Variants in BORCS5 observed in about 807,000 individuals in gnomAD.
The protein encoded by BORCS5 is BLOC-1 related complex subunit 5.
BORCS5 carries 17 observed loss-of-function variants against 22.1 expected under a neutral mutation model. The observed-to-expected ratio is 0.77, with a 90% CI of 0.53 to 1.15. The LOEUF is 1.15. Ranked by LOEUF, BORCS5 falls within the 50% of genes most tolerant of loss-of-function variation. The pLI is 0.00. For missense variants in BORCS5, 247 were observed against 253.2 expected, an observed-to-expected ratio of 0.98 and a Z score of 0.17; for synonymous variants, 117 against 99.8, an observed-to-expected ratio of 1.17 and a Z score of -1.03.
At chr12:12,412,910 T>C (rs1368921862) in intron 2 of BORCS5, among the ~76,000 whole-genome samples, 4,613 of 139,628 alleles carry the variant, frequency 0.033, 313 homozygotes, top group African/African-American at 0.12. Flanking sequence ...CTTTTTTTTT[T>C]TTTTTTTTTT....
intron 2 of BORCS5, among the ~76,000 whole-genome samples, chr12:12,370,730 C>T (rs1863507178): frequency 6.6e-6 from 1 of 152,010 alleles, no homozygotes; most frequent in Admixed American, 6.6e-5. Flanking sequence ...CCAGTGACAG[C>T]ATCTTCAATC....
intron 2 of BORCS5, among the ~76,000 whole-genome samples, chr12:12,371,860 A>C (rs1389112415): frequency 1.3e-5 from 2 of 151,578 alleles, no homozygotes; most frequent in African/African-American, 4.9e-5. Context: ...CTGTGTTTCC[A>C]TGTTCAGTGG....
intron 2 of BORCS5, among the ~76,000 whole-genome samples, chr12:12,403,664 A>C (rs1212324104): frequency 6.6e-6 from 1 of 152,210 alleles, no homozygotes; most frequent in Non-Finnish European, 1.5e-5. Flanking sequence ...TATCTTCAAC[A>C]AAGGCTGTGA....
Position 12,390,135 on chromosome 12 carries a change from AATCT to A in BORCS5, c.202+28790_202+28793del, listed in dbSNP as rs1422384393. Among the ~76,000 whole-genome samples, 61 of 152,222 alleles carry A rather than the reference AATCT, an allele frequency of 4.0e-4. 1 individual carries two copies. The highest frequency in any genetic ancestry group is 3.4e-3 in the Middle Eastern group (1 of 294). ...TAATGATTCCTTTTTAGATTCCTTTAATCTATCATTCCTTCAAGATTTTGCTTGT... is the reference window on the plus strand; with the variant it reads ...TAATGATTCCTTTTTAGATTCCTTTAATCATTCCTTCAAGATTTTGCTTGT... On this transcript the variant is annotated intron_variant, in intron 2 of 3. Coordinates refer to ENST00000314565, the MANE Select transcript of BORCS5 (RefSeq NM_058169.6).
At chr12:12,442,348 G>A (rs759100914) in intron 3 of BORCS5, among the ~76,000 whole-genome samples, 23 of 152,134 alleles carry the variant, frequency 1.5e-4, no homozygotes, top group African/African-American at 4.1e-4. Context: ...AGATTAGAAC[G>A]CCTTTGTAAC....
chr12:12,368,279 T>G (rs943872310), intron 2 of BORCS5, among the ~76,000 whole-genome samples: 5 of 151,396 alleles, frequency 3.3e-5, no homozygotes, highest in African/African-American at 1.2e-4. Context: ...GTATTCTGTT[T>G]TGTTTTTTTT....
Position 12,435,719 on chromosome 12 carries a change from T to C in BORCS5, c.294T>C (p.Asp98=). The C allele has an allele frequency of 1.2e-6, 2 of 1,614,114 alleles. No individual in the cohort carries two copies. The highest frequency in any genetic ancestry group is 1.7e-6 in the Non-Finnish European group (2 of 1,179,974). Residue 98 remains aspartate (D), a synonymous_variant, in exon 3 of 4, where the codon GAT becomes GAC. Coordinates refer to ENST00000314565, the MANE Select transcript of BORCS5 (RefSeq NM_058169.6). ...TGCAGCTCTGCCTCCGATATCAAGA[T>C]CACCTGCATCAGTGTGCAGAGGCCG... ...QVLQLCLRYQ[D]HLHQCAEAVA...
At chr12:12,453,361 C>G (rs1271492192) in intron 3 of BORCS5, among the ~76,000 whole-genome samples, 1 of 152,184 alleles carries the variant, frequency 6.6e-6, no homozygotes. Flanking sequence ...ATGTAAAGAT[C>G]CAGGATCTTA....
chr12:12,423,413 G>T (rs1942192462), intron 2 of BORCS5, among the ~76,000 whole-genome samples: 1 of 134,952 alleles, frequency 7.4e-6, no homozygotes, highest in African/African-American at 2.8e-5. Context: ...TGCAGGGCAG[G>T]TCTAGTATTA....
intron 3 of BORCS5, among the ~76,000 whole-genome samples, chr12:12,461,114 G>A (rs1261948902): frequency 6.6e-6 from 1 of 151,686 alleles, no homozygotes; most frequent in African/African-American, 2.4e-5. Context: ...TGAAGTATGA[G>A]CTTGAGTAAA....
At chr12:12,432,324 T>G (rs1942450540) in intron 2 of BORCS5, among the ~76,000 whole-genome samples, 1 of 152,210 alleles carries the variant, frequency 6.6e-6, no homozygotes, top group Admixed American at 6.5e-5. Context: ...GCAAAATGCT[T>G]TTGGTATCTT....
chr12:12,420,104 A>C (rs1366568767), intron 2 of BORCS5, among the ~76,000 whole-genome samples: 7 of 150,104 alleles, frequency 4.7e-5, no homozygotes, highest in Non-Finnish European at 7.4e-5. Flanking sequence ...GGTGTTTTAG[A>C]CATGAAGTCC....
intron 2 of BORCS5, among the ~76,000 whole-genome samples, chr12:12,381,010 GA>G (rs1458237127): frequency 7.3e-6 from 1 of 136,488 alleles, no homozygotes; most frequent in Non-Finnish European, 1.5e-5. Flanking sequence ...TTTTTTGGGG[GA>G]TTTTTTTTTT....
chr12:12,420,955 A>G (rs1942104177), intron 2 of BORCS5, among the ~76,000 whole-genome samples: 1 of 152,218 alleles, frequency 6.6e-6, no homozygotes, highest in South Asian at 2.1e-4. Context: ...TGGGGCTGAG[A>G]TGATGGAGTT....
At chr12:12,427,630 C>G (rs947414708) in intron 2 of BORCS5, among the ~76,000 whole-genome samples, 11 of 152,126 alleles carry the variant, frequency 7.2e-5, no homozygotes, top group Admixed American at 2.0e-4. Flanking sequence ...GTATCATAGT[C>G]AATTTGGGCT....
intron 2 of BORCS5, among the ~76,000 whole-genome samples, chr12:12,394,083 T>C (rs1047728587): frequency 7.2e-5 from 11 of 151,908 alleles, no homozygotes; most frequent in African/African-American, 2.2e-4. Context: ...TCCAGCACTT[T>C]GGGAGGCTGA....
At chr12:12,447,990 C>T (rs527900344) in intron 3 of BORCS5, among the ~76,000 whole-genome samples, 5 of 152,238 alleles carry the variant, frequency 3.3e-5, no homozygotes, top group South Asian at 4.1e-4. Flanking sequence ...TTGCAGCTGT[C>T]GTTTTTACAT....
Position 12,360,479 on chromosome 12 carries a change from C to T in BORCS5, c.59-727C>T, listed in dbSNP as rs182317100. Among the ~76,000 whole-genome samples, 138 of 152,078 alleles carry T rather than the reference C, an allele frequency of 9.1e-4. 2 individuals are homozygous for T. The East Asian group carries it at 0.025, about 27-fold the overall frequency. On this transcript the variant is annotated intron_variant, in intron 1 of 3. Transcript: ENST00000314565. ...TGATCATGGCTCACTGTGGTCTTGA[C>T]CTCCTGGGCTCAAGTGATCCTCCCA...
At chr12:12,426,647 G>A (rs1317889672) in intron 2 of BORCS5, among the ~76,000 whole-genome samples, 1 of 152,224 alleles carries the variant, frequency 6.6e-6, no homozygotes, top group Non-Finnish European at 1.5e-5. Context: ...CTTAAGAAAT[G>A]CAAGAATAAA....
Sources: gnomAD v4.1 joint callset for allele counts (sites outside exome capture counted in the v4.1 genomes callset) on GRCh38, gnomAD v4.1.1 for gene constraint, MANE v1.5 for transcripts, NCBI Gene and HGNC (gene_info 2026-07-23, HGNC 2026-07-21) for gene names.